ELL: variants seen among roughly 807,000 people sequenced by gnomAD.
ELL encodes RNA polymerase II elongation factor ELL.
Under a neutral mutation model 64.0 loss-of-function variants are expected in ELL, and 18 were observed. The ratio of observed to expected loss-of-function variants is 0.28; its 90% CI spans 0.19 to 0.42. ELL has a LOEUF of 0.42. ELL is among the 10% of genes least tolerant of loss of function. ELL has a pLI of 1.00. For missense variants in ELL, 797 were observed against 870.4 expected (o/e 0.92, Z 1.06); for synonymous variants, 399 against 376.2 (o/e 1.06, Z -0.70).
intron 1 of ELL, among the ~76,000 whole-genome samples, chr19:18,498,928 C>A (rs563608854): frequency 6.6e-6 from 1 of 151,046 alleles, no homozygotes; most frequent in South Asian, 2.1e-4. Flanking sequence ...CCAGCCTGGG[C>A]AACAGAGCGA....
rs1398324371 is a variant in ELL, at chr19:18,522,056, C to T, written c.-1G>A. On this transcript the variant is annotated 5_prime_UTR_variant, in exon 1 of 12. Transcript: ENST00000262809. ...TCCTATCCTCCTTCAGCGCCGCCAT[C>T]TTGCGACCATCTCTCCCCCGCGCCC... 6.2e-7 allele frequency: 1 copy of T among 1,601,206 alleles called. No homozygotes were observed. Among genetic ancestry groups the T allele is most frequent in the African/African-American group, 1.4e-5 (1 of 73,558 alleles).
chr19:18,448,645 C>T, intron 8 of ELL: 1 of 152,288 alleles, frequency 6.6e-6, no homozygotes, highest in Non-Finnish European at 1.5e-5. Flanking sequence ...TGCCATGTGT[C>T]AGGCTGGTCA....
chr19:18,461,955 T>C lies in ELL; in HGVS notation c.470-103A>G, dbSNP rs539414954. On this transcript the variant is annotated intron_variant, in intron 4 of 11. Coordinates refer to ENST00000262809, the MANE Select transcript of ELL (RefSeq NM_006532.4). ...AGAGGTTTGAGACTATAGACAGTGC[T>C]GGTGGGAGGCACCACACCAACCACA... is the stretch of plus-strand genomic sequence containing the variant. 123 of 1,426,640 alleles carry C rather than the reference T, an allele frequency of 8.6e-5. No homozygotes were observed. In the African/African-American group the frequency reaches 1.4e-3, roughly 16 times the overall value. The allele number at this position is 1,426,640 out of a possible 1,614,324, so 88.4% of individuals were successfully genotyped here.
chr19:18,513,931 AAAAAC>A (rs1313252211), intron 1 of ELL, among the ~76,000 whole-genome samples: 2 of 152,252 alleles, frequency 1.3e-5, no homozygotes, highest in East Asian at 3.9e-4. Context: ...ACTCCATCTC[AAAAAC>A]AAAACAAAAC....
At chr19:18,468,891 ACC>A (rs1975005850) in intron 2 of ELL, among the ~76,000 whole-genome samples, 1 of 152,020 alleles carries the variant, frequency 6.6e-6, no homozygotes, top group Non-Finnish European at 1.5e-5. Context: ...GCAGCTGTAC[ACC>A]CAGTCAGCAC....
chr19:18,476,520 G>A (rs1975180435), intron 1 of ELL, among the ~76,000 whole-genome samples: 1 of 151,132 alleles, frequency 6.6e-6, no homozygotes, highest in South Asian at 2.1e-4. Context: ...GCCATCCAGT[G>A]AGGCATTTAA....
intron 1 of ELL, among the ~76,000 whole-genome samples, chr19:18,514,312 G>A (rs1382660770): frequency 2.0e-5 from 3 of 151,900 alleles, no homozygotes; most frequent in African/African-American, 7.3e-5. Flanking sequence ...AAGAGATCGA[G>A]ACCATCCTGG....
chr19:18,518,111 T>C (rs1390153345), intron 1 of ELL, among the ~76,000 whole-genome samples: 2 of 151,490 alleles, frequency 1.3e-5, no homozygotes, highest in Non-Finnish European at 2.9e-5. Flanking sequence ...TCCCAGCTAT[T>C]TGGGAGGCTG....
intron 1 of ELL, among the ~76,000 whole-genome samples, chr19:18,513,792 G>A (rs187877046): frequency 5.9e-5 from 9 of 152,058 alleles, no homozygotes; most frequent in East Asian, 5.8e-4. Context: ...TTAGCCGGGC[G>A]TGGTGGCGGG....
intron 6 of ELL, among the ~76,000 whole-genome samples, chr19:18,455,153 A>AAAAG (rs1309711504): frequency 6.6e-6 from 1 of 150,970 alleles, no homozygotes; most frequent in Non-Finnish European, 1.5e-5. Flanking sequence ...AAAAAAAAAA[A>AAAAG]AAAGAAAGAA....
At chr19:18,499,270 A>G (rs1975730314) in intron 1 of ELL, among the ~76,000 whole-genome samples, 1 of 152,176 alleles carries the variant, frequency 6.6e-6, no homozygotes, top group Non-Finnish European at 1.5e-5. Context: ...CTGAGATCAG[A>G]AGATTCACTT....
In ELL at chr19:18,455,702, A is replaced by C. The variant is rs555217393; in HGVS notation, c.869+2503T>G. Among the ~76,000 whole-genome samples the C allele has an allele frequency of 3.0e-4, 45 of 151,882 alleles. 1 individual carries two copies. The South Asian group carries it at 8.8e-3, about 30-fold the overall frequency. ...CTCTTTGCCTAGGCAACAGAGCAAC[A>C]CTCTGTCTCAAGAAAAAAAAAGAAA... On this transcript the variant is annotated intron_variant, in intron 6 of 11. Coordinates refer to ENST00000262809, the MANE Select transcript of ELL (RefSeq NM_006532.4).
At chr19:18,464,897 G>T (rs1443696057) in intron 4 of ELL, among the ~76,000 whole-genome samples, 1 of 152,234 alleles carries the variant, frequency 6.6e-6, no homozygotes, top group African/African-American at 2.4e-5. Flanking sequence ...GAGCTTTCCT[G>T]CAGTGCTGGG....
intron 1 of ELL, among the ~76,000 whole-genome samples, chr19:18,491,361 C>T (rs1454088568): frequency 6.8e-6 from 1 of 148,084 alleles, no homozygotes; most frequent in East Asian, 2.1e-4. Context: ...AATCCTTTTG[C>T]CTCAGCCCCA....
chr19:18,465,378 GCT>G lies in ELL; in HGVS notation c.469+32_469+33del, dbSNP rs1974911740. The stretch of plus-strand genomic sequence containing the variant: ...GTCTCCCGACACTGGCAGCTGCCCG[GCT>G]GCCCTACAGCCCTGCCAAACCCACT... On this transcript the variant is annotated intron_variant, in intron 4 of 11. Transcript: ENST00000262809. 4 of 1,553,138 alleles carry G rather than the reference GCT, an allele frequency of 2.6e-6. No homozygotes were observed. In the East Asian group the frequency reaches 9.2e-5, roughly 36 times the overall value.
At chr19:18,487,448 C>T (rs1975443781) in intron 1 of ELL, among the ~76,000 whole-genome samples, 1 of 152,254 alleles carries the variant, frequency 6.6e-6, no homozygotes, top group African/African-American at 2.4e-5. Context: ...TTAGGATGCG[C>T]ACAGATCCCT....
chr19:18,498,540 G>C (rs1270653879), intron 1 of ELL, among the ~76,000 whole-genome samples: 1 of 152,224 alleles, frequency 6.6e-6, no homozygotes, highest in Admixed American at 6.5e-5. Flanking sequence ...AATCGGCAGT[G>C]TCACGACCAG....
chr19:18,513,910 G>A (rs1030511161), intron 1 of ELL, among the ~76,000 whole-genome samples: 2 of 151,628 alleles, frequency 1.3e-5, no homozygotes, highest in Admixed American at 1.3e-4. Context: ...CAGACTGGGC[G>A]ACAGAGCGAG....
chr19:18,460,170 C>T (rs1351313555), intron 5 of ELL, among the ~76,000 whole-genome samples: 1 of 151,942 alleles, frequency 6.6e-6, no homozygotes, highest in Non-Finnish European at 1.5e-5. Context: ...GCAGTTTTGT[C>T]ACTGCCATTC....
Sources: allele counts gnomAD v4.1 joint callset (sites outside exome capture counted in the v4.1 genomes callset), GRCh38; gene constraint gnomAD v4.1.1; transcripts MANE v1.5; gene names NCBI Gene and HGNC (gene_info 2026-07-23, HGNC 2026-07-21).